The following GNB4 variants were observed in gnomAD, a reference collection of about 807,000 sequenced individuals.
The protein encoded by GNB4 is guanine nucleotide-binding protein subunit beta-4.
In GNB4, 28 loss-of-function variants were observed where a neutral mutation model predicts 45.2. That is an observed-to-expected ratio of 0.62 (90% CI 0.46 to 0.85). GNB4 has a LOEUF of 0.85. GNB4 is among the 40% of genes least tolerant of loss of function. The probability of loss-of-function intolerance (pLI) is 0.00; values close to 1 mark genes in which losing one functional copy is unlikely to be tolerated. For missense variants in GNB4, 321 were observed against 425.4 expected, an observed-to-expected ratio of 0.75 and a Z score of 2.16; for synonymous variants, 132 against 143.7, an observed-to-expected ratio of 0.92 and a Z score of 0.58.
chr3:179,495,155 A>G, the GNB4 span, among the ~76,000 whole-genome samples: 1 of 152,106 alleles, frequency 6.6e-6, no homozygotes, highest in African/African-American at 2.4e-5. Flanking sequence ...TGGGAGGCTG[A>G]GGCAGGAGGA....
chr3:179,415,045 C>T lies in GNB4; in HGVS notation c.270G>A (p.Met90Ile), dbSNP rs1714757296. Reference sequence around the variant, plus strand: ...AGGAGGACCTCAAAGGAATAGCATGCATCTGTAGGGCACACACCACACATC... The same window carrying T: ...AGGAGGACCTCAAAGGAATAGCATGTATCTGTAGGGCACACACCACACATC... ...IIWDSYTTNKMHAIPLRSSWV... is the reference protein window; with the variant it reads ...IIWDSYTTNKIHAIPLRSSWV... The change falls in exon 6 of 10, where the codon ATG (methionine) becomes ATA (isoleucine). Residue 90 changes from methionine (M) to isoleucine (I), a missense_variant and splice_region_variant. Physicochemically the swap from Met to Ile is conservative, Grantham distance 10. Coordinates refer to ENST00000232564, the MANE Select transcript of GNB4 (RefSeq NM_021629.4). 3 of 1,589,174 alleles carry T rather than the reference C, an allele frequency of 1.9e-6. No homozygotes were observed. Among genetic ancestry groups the T allele is most frequent in the East Asian group, 2.2e-5 (1 of 44,468 alleles).
At chr3:179,480,854 C>CTT in the GNB4 span, among the ~76,000 whole-genome samples, 32 of 124,972 alleles carry the variant, frequency 2.6e-4, no homozygotes, top group South Asian at 7.6e-4. Flanking sequence ...TTTTTTTTTT[C>CTT]TTTTTTTTTT....
chr3:179,463,683 A>T, the GNB4 span, among the ~76,000 whole-genome samples: 5 of 152,224 alleles, frequency 3.3e-5, no homozygotes, highest in Non-Finnish European at 5.9e-5. Context: ...ATGCTATTAT[A>T]AACTAGTGAG....
At chr3:179,465,743 G>A in the GNB4 span, among the ~76,000 whole-genome samples, 7 of 151,438 alleles carry the variant, frequency 4.6e-5, no homozygotes, top group African/African-American at 1.5e-4. Context: ...AATCAATGTA[G>A]ATATTCCTAT....
At chr3:179,490,162 G>A in the GNB4 span, among the ~76,000 whole-genome samples, 1 of 152,180 alleles carries the variant, frequency 6.6e-6, no homozygotes. Context: ...AATAAAGATA[G>A]CAGATGTACT....
rs749973466 is a variant in GNB4 at position 179,415,027 on chromosome 3, C to T, written c.288G>A (p.Arg96=). The change falls in exon 6 of 10, where the codon AGG becomes AGA. Residue 96 remains arginine (R), a synonymous_variant. Coordinates refer to ENST00000232564, the MANE Select transcript of GNB4 (RefSeq NM_021629.4). ...AAGCACAGGTCATCACCCAGGAGGA[C>T]CTCAAAGGAATAGCATGCATCTGTA... The part of the protein sequence containing the change: ...TTNKMHAIPL[R]SSWVMTCAYA... The T allele has an allele frequency of 4.4e-6, 7 of 1,603,634 alleles. No homozygotes were observed. In the South Asian group the frequency reaches 7.8e-5, roughly 18 times the overall value.
At chr3:179,464,472 A>G in the GNB4 span, 2 of 1,610,344 alleles carry the variant, frequency 1.2e-6, no homozygotes, top group Non-Finnish European at 1.7e-6. Flanking sequence ...AATTTCTGGA[A>G]GGAAACTGGC....
the GNB4 span, among the ~76,000 whole-genome samples, chr3:179,505,108 C>T: frequency 6.6e-6 from 1 of 152,256 alleles, no homozygotes; most frequent in Non-Finnish European, 1.5e-5. Context: ...AGCTAACCTG[C>T]AGTGAACAGC....
chr3:179,516,641 C>A, the GNB4 span, among the ~76,000 whole-genome samples: 1 of 152,056 alleles, frequency 6.6e-6, no homozygotes, highest in Non-Finnish European at 1.5e-5. Flanking sequence ...GGCGGGCTAG[C>A]GGCTTGTAAC....
rs1213178189 is a variant in GNB4 at position 179,397,453 on chromosome 3, A to G, written c.*3760T>C. 6.6e-6 allele frequency: 1 copy of G among 152,246 alleles called. No homozygotes were observed. Among genetic ancestry groups the G allele is most frequent in the Non-Finnish European group, 1.5e-5 (1 of 68,046 alleles). The allele number at this position is 152,246 out of a possible 1,614,324, so 9.4% of individuals were successfully genotyped here. Reference sequence around the variant, plus strand: ...AAATTCTGTAACATATTCTAGAAGCACCTACATCCATTATTTCCAGGAGAC... The same window carrying G: ...AAATTCTGTAACATATTCTAGAAGCGCCTACATCCATTATTTCCAGGAGAC... On this transcript the variant is annotated 3_prime_UTR_variant, in exon 10 of 10. Coordinates refer to ENST00000232564, the MANE Select transcript of GNB4 (RefSeq NM_021629.4).
intron 1 of GNB4, among the ~76,000 whole-genome samples, chr3:179,445,882 T>C (rs1485781419): frequency 6.6e-6 from 1 of 152,152 alleles, no homozygotes; most frequent in Non-Finnish European, 1.5e-5. Flanking sequence ...AACTACACAG[T>C]ATATGAACAA....
At chr3:179,521,990 C>A in the GNB4 span, among the ~76,000 whole-genome samples, 1 of 152,092 alleles carries the variant, frequency 6.6e-6, no homozygotes, top group Non-Finnish European at 1.5e-5. Context: ...ATCGCCCATT[C>A]TCTCTCCATA....
chr3:179,509,168 TACACAC>T, the GNB4 span, among the ~76,000 whole-genome samples: 278 of 146,980 alleles, frequency 1.9e-3, 1 homozygote, highest in African/African-American at 5.9e-3. Flanking sequence ...TATATATACA[TACACAC>T]ACACACACAC....
chr3:179,465,422 T>A, the GNB4 span: 2 of 471,128 alleles, frequency 4.2e-6, no homozygotes, highest in East Asian at 4.5e-5. Context: ...GCTAACATGG[T>A]GAAACCCCCG....
At chr3:179,526,938 G>A in the GNB4 span, among the ~76,000 whole-genome samples, 1 of 152,182 alleles carries the variant, frequency 6.6e-6, no homozygotes, top group Non-Finnish European at 1.5e-5. Flanking sequence ...GGTACAAATG[G>A]ACATTGTAGA....
chr3:179,465,044 T>C, the GNB4 span: 3 of 1,501,316 alleles, frequency 2.0e-6, no homozygotes, highest in Non-Finnish European at 2.8e-6. Flanking sequence ...ATCTTATCGA[T>C]ATACTTCCAA....
At chr3:179,420,548 T>C (rs1179507801) in intron 3 of GNB4, among the ~76,000 whole-genome samples, 1 of 151,570 alleles carries the variant, frequency 6.6e-6, no homozygotes, top group African/African-American at 2.4e-5. Flanking sequence ...CTGCAACCTC[T>C]GCCTCCTGGG....
chr3:179,485,655 T>A, the GNB4 span, among the ~76,000 whole-genome samples: 1 of 152,154 alleles, frequency 6.6e-6, no homozygotes, highest in Non-Finnish European at 1.5e-5. Flanking sequence ...TAAAACTCAG[T>A]GTCAGCTGGG....
At chr3:179,452,174 C>T (rs1287015802), upstream of GNB4, among the ~76,000 whole-genome samples, 1 of 151,348 alleles carries the variant, frequency 6.6e-6, no homozygotes, top group Non-Finnish European at 1.5e-5. Context: ...CCTGCCAAGT[C>T]GCTCTTCTCT....
Sources: allele counts gnomAD v4.1 joint callset (sites outside exome capture counted in the v4.1 genomes callset), GRCh38; gene constraint gnomAD v4.1.1; transcripts MANE v1.5; gene names NCBI Gene and HGNC (gene_info 2026-07-23, HGNC 2026-07-21).